The following MCM3 variants were observed in gnomAD, a reference collection of about 807,000 sequenced individuals.
MCM3 encodes the protein minichromosome maintenance complex component 3, also known as DNA replication licensing factor MCM3.
Under a neutral mutation model 91.3 loss-of-function variants are expected in MCM3, and 59 were observed. The ratio of observed to expected loss-of-function variants is 0.65; its 90% CI spans 0.52 to 0.80. The LOEUF is 0.80. Among genes scored for constraint, MCM3 ranks in the 30% least tolerant of loss-of-function variants. MCM3 has a pLI of 0.00. For synonymous variants in MCM3, 383 were observed against 379.6 expected, an observed-to-expected ratio of 1.01 and a Z score of -0.10; for missense variants, 919 against 1,035.4, an observed-to-expected ratio of 0.89 and a Z score of 1.54.
chr6:52,276,039 C>A (rs753632649), intron 9 of MCM3: 9 of 534,864 alleles, frequency 1.7e-5, no homozygotes, highest in Non-Finnish European at 3.0e-5. Context: ...GACTGTTTAA[C>A]TGTACTGTTA....
chr6:52,283,349 G>C lies in MCM3; in HGVS notation c.136C>G (p.Arg46Gly). 6.2e-7 allele frequency: 1 copy of C among 1,614,110 alleles called. No individual in the cohort carries two copies. Among genetic ancestry groups the C allele is most frequent in the Non-Finnish European group, 8.5e-7 (1 of 1,180,010 alleles). Reference sequence around the variant, plus strand: ...AGGTCATTCACATTGACAATCAGCCGGTATTGGTTGTCACTGATCAGCTCC... The same window carrying C: ...AGGTCATTCACATTGACAATCAGCCCGTATTGGTTGTCACTGATCAGCTCC... Reference protein sequence around the residue: ...VRELISDNQYRLIVNVNDLRR... With the variant: ...VRELISDNQYGLIVNVNDLRR... The change falls in exon 2 of 17, where the codon CGG becomes GGG. Residue 46 changes from arginine to glycine, a missense_variant. By Grantham distance (125) the Arg-to-Gly change is moderately radical. Transcript: ENST00000596288.
Position 52,264,455 on chromosome 6 carries a change from T to G in MCM3, c.*133A>C, listed in dbSNP as rs1290181693. On this transcript the variant is annotated 3_prime_UTR_variant, in exon 17 of 17. Coordinates refer to ENST00000596288, the MANE Select transcript of MCM3 (RefSeq NM_002388.6). Reference sequence around the variant, plus strand: ...CCACCGAGTCCTGAACTCAGCTTCATCACCAACATTCCTCGCCTTCAGTTG... The same window carrying G: ...CCACCGAGTCCTGAACTCAGCTTCAGCACCAACATTCCTCGCCTTCAGTTG... 1.0e-6 allele frequency: 1 copy of G among 964,664 alleles called. No homozygotes were observed. Among genetic ancestry groups the G allele is most frequent in the Non-Finnish European group, 1.6e-6 (1 of 636,122 alleles). The allele number at this position is 964,664 out of a possible 1,614,324, so 59.8% of individuals were successfully genotyped here. A position where few individuals can be genotyped will look rare whatever the true frequency, so the allele number is the denominator to read the frequency against.
At chr6:52,266,238 TCA>T in intron 15 of MCM3, 94 bp from the exon 16 acceptor site, 1 of 929,666 alleles carries the variant, frequency 1.1e-6, no homozygotes, top group Non-Finnish European at 1.8e-6. Flanking sequence ...TCCCAATCTC[TCA>T]CTCAGCCTGC....
Position 52,264,684 on chromosome 6 carries a change from T to C in MCM3, c.2331A>G (p.Glu777=), listed in dbSNP as rs1176014185. ...RLTESINRDS[E]EPFSSVEIQA... is the part of the protein sequence containing the mutation. ...GGATCTCAACTGAAGAGAAGGGCTC[T>C]TCGCTGTCCCGGTTGATGGATTCTG... Residue 777 remains glutamate (E), a synonymous_variant, in exon 17 of 17, where the codon GAA becomes GAG. Coordinates refer to ENST00000596288, the MANE Select transcript of MCM3 (RefSeq NM_002388.6). The C allele has an allele frequency of 5.6e-6, 9 of 1,614,080 alleles. No individual in the cohort carries two copies. The highest frequency in any genetic ancestry group is 6.8e-6 in the Non-Finnish European group (8 of 1,180,052).
intron 3 of MCM3, among the ~76,000 whole-genome samples, 173 bp from the exon 4 acceptor site, chr6:52,282,348 T>C (rs994850045): frequency 6.6e-6 from 1 of 151,910 alleles, no homozygotes; most frequent in Non-Finnish European, 1.5e-5. Flanking sequence ...ACCACCACCA[T>C]ATCCATGTAA....
At chr6:52,278,904 T>C (rs1366897702) in intron 5 of MCM3, 54 bp from the exon 6 acceptor site, 4 of 1,283,024 alleles carry the variant, frequency 3.1e-6, no homozygotes, top group Non-Finnish European at 2.2e-6. Context: ...CTAACATCAG[T>C]AGCTAGTACC....
intron 12 of MCM3, among the ~76,000 whole-genome samples, chr6:52,269,992 C>T (rs961623036): frequency 6.6e-6 from 1 of 152,066 alleles, no homozygotes; most frequent in Non-Finnish European, 1.5e-5. Context: ...AGGATTTGTC[C>T]ACAGTCCAAA....
At chr6:52,279,772 G>T (rs1249959492) in intron 4 of MCM3, among the ~76,000 whole-genome samples, 173 bp from the exon 5 acceptor site, 2 of 152,118 alleles carry the variant, frequency 1.3e-5, no homozygotes, top group South Asian at 2.1e-4. Context: ...AACAACCATC[G>T]AATGGAAGGG....
At position 52,277,795 on chromosome 6, in the gene MCM3, G is replaced by A. The variant is rs374056011; in HGVS notation, c.880-107C>T. On this transcript the variant is annotated intron_variant, in intron 6 of 16. Transcript: ENST00000596288. ...AGAAAATACTTGAAGAGGGCCAGGC[G>A]CAGTGGCTCAGGTCTGTAATCCTAG... 37 of 981,144 alleles carry A rather than the reference G, an allele frequency of 3.8e-5. No individual in the cohort carries two copies. In the East Asian group the frequency reaches 5.3e-4, roughly 14 times the overall value. The allele number at this position is 981,144 out of a possible 1,614,324, so 60.8% of individuals were successfully genotyped here. A position where few individuals can be genotyped will look rare whatever the true frequency, so the allele number is the denominator to read the frequency against.
rs756040054 is a variant in MCM3, at chr6:52,278,844, G to A, written c.777C>T (p.Val259=). 1.2e-6 allele frequency: 2 copies of A among 1,609,396 alleles called. No individual in the cohort carries two copies. The highest frequency in any genetic ancestry group is 3.3e-5 in the Admixed American group (2 of 59,974). The change falls in exon 6 of 17, where the codon GTC becomes GTT. Residue 259 remains valine, a synonymous_variant. Transcript: ENST00000596288. ...TCTGCTTAACATTACAGGCAATCAG[G>A]ACAGTCCTGGGACAAACAGAATAAA... ...GGYTSGTFRT[V]LIACNVKQMS...
intron 12 of MCM3, among the ~76,000 whole-genome samples, chr6:52,269,464 C>T (rs1301158058): frequency 6.6e-6 from 1 of 152,132 alleles, no homozygotes. Flanking sequence ...GAAGATTAGG[C>T]ATCTAACAAC....
intron 16 of MCM3, chr6:52,265,268 A>C (rs1200548126): frequency 9.1e-6 from 4 of 438,766 alleles, no homozygotes; most frequent in African/African-American, 6.2e-5. Flanking sequence ...AAAGAATGAG[A>C]TCAAACAAGC....
intron 11 of MCM3, 113 bp downstream of exon 11, chr6:52,273,117 C>A: frequency 7.9e-7 from 1 of 1,265,530 alleles, no homozygotes; most frequent in South Asian, 1.3e-5. Context: ...GTTATGACTC[C>A]AGGCATGGCT....
rs1199963889 is a variant in MCM3, at chr6:52,279,515, C to G, written c.616G>C (p.Glu206Gln). Residue 206 changes from glutamate to glutamine, a missense_variant, in exon 5 of 17, where the codon GAG becomes CAG. Physicochemically the swap from Glu to Gln is conservative, Grantham distance 29 (BLOSUM62 2). Transcript: ENST00000596288. ...HQTITIQEMP[E>Q]KAPAGQLPRS... ...GGGAGCTGGCCGGCTGGGGCCTTCT[C>G]CGGCATCTCCTGGATGGTGATGGTC... 2 of 1,614,128 alleles carry G rather than the reference C, an allele frequency of 1.2e-6. No individual in the cohort carries two copies. The highest frequency in any genetic ancestry group is 1.7e-5 in the Admixed American group (1 of 60,020).
intron 14 of MCM3, 125 bp from the exon 15 acceptor site, chr6:52,266,821 G>C: frequency 1.3e-6 from 1 of 754,636 alleles, no homozygotes; most frequent in South Asian, 1.5e-5. Flanking sequence ...TGAAGCACTA[G>C]GCTTAGGCCT....
intron 12 of MCM3, among the ~76,000 whole-genome samples, chr6:52,270,734 C>T (rs1014386079): frequency 2.0e-5 from 3 of 152,020 alleles, no homozygotes; most frequent in Non-Finnish European, 2.9e-5. Context: ...CTGGGACACA[C>T]CAGAAGTTCG....
At position 52,269,167 on chromosome 6, in the gene MCM3, C is replaced by T. The variant is rs889140026; in HGVS notation, c.1887G>A (p.Ala629=). 24 of 1,613,896 alleles carry T rather than the reference C, an allele frequency of 1.5e-5. No individual in the cohort carries two copies. Among genetic ancestry groups the T allele is most frequent in the African/African-American group, 4.0e-5 (3 of 74,924 alleles). ...CCACAGTCTTGCTCATGCGGGCCTT[C>T]GCATGGGCTGTGGCCAGTCGAATCA... ...ETLIRLATAH[A]KARMSKTVDL... The change falls in exon 13 of 17, where the codon GCG becomes GCA. Residue 629 remains alanine (A), a synonymous_variant. Coordinates refer to ENST00000596288, the MANE Select transcript of MCM3 (RefSeq NM_002388.6).
At chr6:52,277,882 C>G (rs1188536005) in intron 6 of MCM3, among the ~76,000 whole-genome samples, 194 bp from the exon 7 acceptor site, 2 of 151,816 alleles carry the variant, frequency 1.3e-5, no homozygotes, top group Non-Finnish European at 2.9e-5. Flanking sequence ...GCCTGGCCAA[C>G]ATGGTGAAAC....
intron 10 of MCM3, 22 bp downstream of exon 10, chr6:52,273,714 GTTACTC>G: frequency 6.3e-7 from 1 of 1,584,310 alleles, no homozygotes; most frequent in Non-Finnish European, 8.6e-7. Flanking sequence ...CTTTCCATTA[GTTACTC>G]TTACTATTCT....
Sources: gnomAD v4.1 joint callset for allele counts (sites outside exome capture counted in the v4.1 genomes callset) on GRCh38, gnomAD v4.1.1 for gene constraint, MANE v1.5 for transcripts, NCBI Gene and HGNC (gene_info 2026-07-23, HGNC 2026-07-21) for gene names.